Variants in RIMS2 observed in about 807,000 individuals in gnomAD.
RIMS2 encodes regulating synaptic membrane exocytosis protein 2.
RIMS2 carries 59 observed loss-of-function variants against 174.4 expected under a neutral mutation model. The observed-to-expected ratio is 0.34, with a 90% CI of 0.27 to 0.42. The LOEUF is 0.42. RIMS2 is among the 10% of genes least tolerant of loss of function. The probability of loss-of-function intolerance (pLI) is 1.00; values close to 1 mark genes in which losing one functional copy is unlikely to be tolerated. For missense variants in RIMS2, 1,620 were observed against 1,666.3 expected, an observed-to-expected ratio of 0.97 and a Z score of 0.48; for synonymous variants, 606 against 572.5, an observed-to-expected ratio of 1.06 and a Z score of -0.84.
At position 103,649,002 on chromosome 8, in the gene RIMS2, C is replaced by T. The variant is rs183981727; in HGVS notation, c.177-48084C>T. Among the ~76,000 whole-genome samples the T allele has an allele frequency of 1.1e-3, 160 of 152,154 alleles. 2 individuals carry two copies. Among genetic ancestry groups the T allele is most frequent in the Non-Finnish European group, 2.2e-4 (15 of 67,976 alleles). ...TCATCATGATGCTAGCTGGTTATTTCGCATACTTGTTTATGTGGTTGCTTC... is the reference window on the plus strand; with the variant it reads ...TCATCATGATGCTAGCTGGTTATTTTGCATACTTGTTTATGTGGTTGCTTC... On this transcript the variant is annotated intron_variant, in intron 1 of 23. Coordinates refer to ENST00000504942, the Ensembl canonical transcript of RIMS2.
intron 15 of RIMS2, among the ~76,000 whole-genome samples, chr8:103,971,264 T>C (rs2092838870): frequency 6.6e-6 from 1 of 152,194 alleles, no homozygotes; most frequent in South Asian, 2.1e-4. Context: ...CAGATGTTTG[T>C]TTATTTTTAA....
chr8:103,589,861 T>C (rs1286662409), intron 1 of RIMS2, among the ~76,000 whole-genome samples: 1 of 151,432 alleles, frequency 6.6e-6, no homozygotes, highest in African/African-American at 2.4e-5. Context: ...TTCTCACTTA[T>C]TTGTGGGATC....
intron 3 of RIMS2, among the ~76,000 whole-genome samples, chr8:103,788,875 C>T (rs145686013): frequency 0.39 from 58,829 of 151,812 alleles, 11,814 homozygotes; most frequent in African/African-American, 0.44. Flanking sequence ...CCAGCCTCGC[C>T]GCCGCCTTGC....
intron 19 of RIMS2, among the ~76,000 whole-genome samples, chr8:104,152,911 T>C (rs545824036): frequency 1.3e-5 from 2 of 152,318 alleles, no homozygotes; most frequent in African/African-American, 2.4e-5. Context: ...TTTGAGATGG[T>C]ATTTACTATT....
intron 1 of RIMS2, among the ~76,000 whole-genome samples, chr8:103,565,015 C>A (rs896462014): frequency 6.6e-6 from 1 of 152,092 alleles, no homozygotes; most frequent in Admixed American, 6.6e-5. Flanking sequence ...TGTAGAGAAG[C>A]CTCATACTTG....
chr8:104,193,051 CT>C (rs1167919037), intron 19 of RIMS2, among the ~76,000 whole-genome samples: 1 of 147,040 alleles, frequency 6.8e-6, no homozygotes, highest in East Asian at 2.0e-4. Flanking sequence ...TTCTCCTCCC[CT>C]CTCTCTCTCT....
chr8:104,212,975 C>T (rs1391092534), intron 19 of RIMS2, among the ~76,000 whole-genome samples: 1 of 152,060 alleles, frequency 6.6e-6, no homozygotes, highest in African/African-American at 2.4e-5. Context: ...TTTTCTTTAC[C>T]TGTAAACCCC....
chr8:104,035,856 T>C (rs1597485830), intron 19 of RIMS2, among the ~76,000 whole-genome samples: 1 of 152,084 alleles, frequency 6.6e-6, no homozygotes, highest in East Asian at 1.9e-4. Context: ...TTATTCTTAA[T>C]TGAAAAAATT....
intron 14 of RIMS2, among the ~76,000 whole-genome samples, chr8:103,947,053 C>A (rs960771326): frequency 1.3e-5 from 2 of 152,024 alleles, no homozygotes; most frequent in Non-Finnish European, 2.9e-5. Context: ...TATCCACATA[C>A]AAAATAGTTA....
At chr8:103,913,003 C>T (rs139074966) in intron 6 of RIMS2, among the ~76,000 whole-genome samples, 101 of 132,924 alleles carry the variant, frequency 7.6e-4, no homozygotes, top group African/African-American at 1.2e-3. Flanking sequence ...GATGGAGTCT[C>T]GCTGTATGTC....
intron 2 of RIMS2, among the ~76,000 whole-genome samples, chr8:103,744,534 C>T (rs6468889): frequency 0.23 from 34,915 of 151,942 alleles, 4,290 homozygotes; most frequent in Non-Finnish European, 0.25. Flanking sequence ...TCCTGAAAAG[C>T]TTAGTAGGAT....
chr8:103,885,169 G>A (rs2099192427), intron 3 of RIMS2, 129 bp from the exon 7 acceptor site: 2 of 1,294,864 alleles, frequency 1.5e-6, no homozygotes, highest in Non-Finnish European at 2.0e-6. Context: ...GTTACGCTAT[G>A]CCTTTAAAAT....
chr8:103,721,420 T>A (rs2097446515), intron 2 of RIMS2, among the ~76,000 whole-genome samples: 1 of 152,210 alleles, frequency 6.6e-6, no homozygotes, highest in South Asian at 2.1e-4. Flanking sequence ...AATTAAAATA[T>A]CCTATAGGGC....
At chr8:103,760,723 G>A (rs1308658811) in intron 2 of RIMS2, among the ~76,000 whole-genome samples, 5 of 152,076 alleles carry the variant, frequency 3.3e-5, no homozygotes, top group African/African-American at 1.2e-4. Context: ...AACATTTACC[G>A]TAATTATAAC....
chr8:103,978,668 C>T (rs537523501), intron 16 of RIMS2, among the ~76,000 whole-genome samples: 1 of 152,244 alleles, frequency 6.6e-6, no homozygotes, highest in South Asian at 2.1e-4. Context: ...AAATTTGTTC[C>T]TTAATGTATA....
At chr8:104,030,311 T>C (rs1027603099) in intron 19 of RIMS2, among the ~76,000 whole-genome samples, 1 of 152,110 alleles carries the variant, frequency 6.6e-6, no homozygotes, top group African/African-American at 2.4e-5. Context: ...CATAGCAAGA[T>C]CGTGTGGCTA....
At position 103,961,094 on chromosome 8, in the gene RIMS2, TCTGA is replaced by T; in HGVS notation, c.2734_2737del (p.Asp912MetfsTer9). 1 of 1,511,956 alleles carries T rather than the reference TCTGA, an allele frequency of 6.6e-7. No homozygotes were observed. The highest frequency in any genetic ancestry group is 9.2e-7 in the Non-Finnish European group (1 of 1,087,356). The allele number at this position is 1,511,956 out of a possible 1,614,324, so 93.7% of individuals were successfully genotyped here. A position where few individuals can be genotyped will look rare whatever the true frequency, so the allele number is the denominator to read the frequency against. On this transcript the variant is annotated frameshift_variant, in exon 15 of 24. Coordinates refer to ENST00000504942, the Ensembl canonical transcript of RIMS2. LOFTEE classifies it high-confidence loss of function. ...AAAGAGAATAAGTGATAGTGAAGTC[TCTGA>T]CTATGACTGTGATGATGGAATTGGT... is the stretch of plus-strand genomic sequence containing the variant.
intron 13 of RIMS2, among the ~76,000 whole-genome samples, chr8:103,941,793 A>T (rs1048567443): frequency 6.6e-6 from 1 of 152,180 alleles, no homozygotes; most frequent in East Asian, 1.9e-4. Flanking sequence ...AGAATTTTAA[A>T]TAAGACAGGC....
intron 3 of RIMS2, among the ~76,000 whole-genome samples, chr8:103,863,171 T>C (rs1209762106): frequency 1.3e-5 from 2 of 152,178 alleles, no homozygotes; most frequent in Non-Finnish European, 2.9e-5. Flanking sequence ...ATTTTTATCA[T>C]GAAGGGATGT....
Sources: allele counts gnomAD v4.1 joint callset (sites outside exome capture counted in the v4.1 genomes callset), GRCh38; gene constraint gnomAD v4.1.1; transcripts MANE v1.5; gene names NCBI Gene and HGNC (gene_info 2026-07-23, HGNC 2026-07-21).